The following KIF13A variants were observed in gnomAD, a reference collection of about 807,000 sequenced individuals.
KIF13A encodes kinesin family member 13A.
In KIF13A, 79 loss-of-function variants were observed where a neutral mutation model predicts 212.2. The observed-to-expected ratio is 0.37, with a 90% CI of 0.31 to 0.45. The LOEUF (loss-of-function observed/expected upper bound fraction) is 0.45. Among genes scored for constraint, KIF13A ranks in the 20% least tolerant of loss-of-function variants. KIF13A has a pLI of 1.00. For missense variants in KIF13A, 1,901 were observed against 2,209.0 expected (o/e 0.86, Z 2.79); for synonymous variants, 789 against 808.6 (o/e 0.98, Z 0.41).
intron 3 of KIF13A, among the ~76,000 whole-genome samples, chr6:17,880,650 A>T (rs1034699083): frequency 7.2e-6 from 1 of 138,238 alleles, no homozygotes; most frequent in African/African-American, 2.6e-5. Flanking sequence ...AAAAAAAAAA[A>T]GGTCTTGCTC....
chr6:17,841,736 A>C (rs1766527686), intron 9 of KIF13A, among the ~76,000 whole-genome samples: 1 of 152,206 alleles, frequency 6.6e-6, no homozygotes, highest in African/African-American at 2.4e-5. Flanking sequence ...CCCTTGGAAC[A>C]GAATGAAAAT....
chr6:17,867,259 A>G lies in KIF13A; in HGVS notation c.220+6118T>C, dbSNP rs572257253. 1.6e-4 allele frequency among the ~76,000 whole-genome samples: 25 copies of G among 152,348 alleles called. No homozygotes were observed. In the Middle Eastern group the frequency reaches 0.01, roughly 62 times the overall value. On this transcript the variant is annotated intron_variant, in intron 4 of 38. Transcript: ENST00000259711. ...AACAACTTGATAAAGGTGAGTCACC[A>G]AAAGAAATGACAAATTGAGTATGAG...
At chr6:17,944,831 A>T (rs1305966183) in intron 2 of KIF13A, among the ~76,000 whole-genome samples, 1 of 152,234 alleles carries the variant, frequency 6.6e-6, no homozygotes, top group South Asian at 2.1e-4. Context: ...AACTATCATT[A>T]GCAAACAAAA....
chr6:17,881,025 T>C (rs911869008), intron 3 of KIF13A, among the ~76,000 whole-genome samples: 12 of 152,330 alleles, frequency 7.9e-5, no homozygotes, highest in Non-Finnish European at 7.4e-5. Context: ...AAGGCATTCA[T>C]AGCTTTTCAA....
rs1033105302 is a variant in KIF13A, at chr6:17,829,023, T to C, written c.1402-653A>G. ...AGTGCAGTGGTGCAATCTCAGCTCA[T>C]TGCAACCTCTGCCTCCTGGGTTCAA... On this transcript the variant is annotated intron_variant, in intron 13 of 38. Coordinates refer to ENST00000259711, the MANE Select transcript of KIF13A (RefSeq NM_022113.6). This position sits in a 1 kb window ranked among gnomAD's most constrained non-coding sequence, Gnocchi z 5.4. Among the ~76,000 whole-genome samples, 4 of 151,750 alleles carry C rather than the reference T, an allele frequency of 2.6e-5. No individual in the cohort carries two copies. Among genetic ancestry groups the C allele is most frequent in the Non-Finnish European group, 5.9e-5 (4 of 67,946 alleles).
chr6:17,771,077 C>T lies in KIF13A; in HGVS notation c.4581+37G>A. On this transcript the variant is annotated intron_variant, in intron 38 of 38. Transcript: ENST00000259711. This position sits in a 1 kb window ranked among gnomAD's most constrained non-coding sequence, Gnocchi z 5.4. ...GTCTGTGAAAGGGCCTTAAACCCAC[C>T]ACCAGGCAATATGACAGAAATGGTT... The T allele has an allele frequency of 7.2e-7, 1 of 1,395,318 alleles. No individual in the cohort carries two copies. The allele number at this position is 1,395,318 out of a possible 1,614,324, so 86.4% of individuals were successfully genotyped here. A position where few individuals can be genotyped will look rare whatever the true frequency, so the allele number is the denominator to read the frequency against.
intron 4 of KIF13A, among the ~76,000 whole-genome samples, chr6:17,859,001 C>A (rs904298355): frequency 1.3e-5 from 2 of 151,824 alleles, no homozygotes; most frequent in African/African-American, 4.8e-5. Flanking sequence ...AAAGTTAATA[C>A]CTAGTATATC....
At chr6:17,974,628 A>C (rs1417378160) in intron 2 of KIF13A, among the ~76,000 whole-genome samples, 1 of 150,308 alleles carries the variant, frequency 6.7e-6, no homozygotes, top group Non-Finnish European at 1.5e-5. Context: ...GTAGTTAAGC[A>C]ACAATAGTAA....
rs1161530422 is a variant in KIF13A, at chr6:17,915,389, T to G, written c.147-17209A>C. Among the ~76,000 whole-genome samples, 1 of 152,138 alleles carries G rather than the reference T, an allele frequency of 6.6e-6. No homozygotes were observed. The highest frequency in any genetic ancestry group is 1.5e-5 in the Non-Finnish European group (1 of 68,014). On this transcript the variant is annotated intron_variant, in intron 2 of 38. Transcript: ENST00000259711. The surrounding 1 kb of genome is among the most constrained non-coding windows in gnomAD (Gnocchi z 4.4). ...GTGTGGGGTTAAGTGAATTAACATA[T>G]TATAAAGCTTTTAAAAGCAGCAGAG...
rs1052337695 is a variant in KIF13A at position 17,915,406 on chromosome 6, G to C, written c.147-17226C>G. Among the ~76,000 whole-genome samples, 6 of 152,198 alleles carry C rather than the reference G, an allele frequency of 3.9e-5. No homozygotes were observed. The highest frequency in any genetic ancestry group is 1.4e-4 in the African/African-American group (6 of 41,456). Reference sequence around the variant, plus strand: ...TTAACATATTATAAAGCTTTTAAAAGCAGCAGAGTAACACACGCGATGCAA... The same window carrying C: ...TTAACATATTATAAAGCTTTTAAAACCAGCAGAGTAACACACGCGATGCAA... On this transcript the variant is annotated intron_variant, in intron 2 of 38. Transcript: ENST00000259711. The surrounding 1 kb of genome is among the most constrained non-coding windows in gnomAD (Gnocchi z 4.4).
intron 9 of KIF13A, among the ~76,000 whole-genome samples, chr6:17,847,471 C>T (rs1196566937): frequency 6.6e-6 from 1 of 152,106 alleles, no homozygotes; most frequent in African/African-American, 2.4e-5. Flanking sequence ...ATAGAGGGGC[C>T]ACTATTTTAC....
chr6:17,930,340 A>T (rs1775883891), intron 2 of KIF13A, among the ~76,000 whole-genome samples: 1 of 152,248 alleles, frequency 6.6e-6, no homozygotes, highest in African/African-American at 2.4e-5. Context: ...ACAAATGCCT[A>T]ATTCCTTAGC....
intron 3 of KIF13A, among the ~76,000 whole-genome samples, chr6:17,881,284 G>A (rs1011473155): frequency 6.6e-6 from 1 of 152,074 alleles, no homozygotes; most frequent in Non-Finnish European, 1.5e-5. Flanking sequence ...ATCTAATAAA[G>A]TTACTAAAGC....
At chr6:17,946,039 A>T (rs999297527) in intron 2 of KIF13A, among the ~76,000 whole-genome samples, 4 of 152,218 alleles carry the variant, frequency 2.6e-5, no homozygotes, top group Admixed American at 6.5e-5. Flanking sequence ...GTGAATTGTA[A>T]AGCTTAAGAC....
At chr6:17,910,130 C>CA (rs1412259852) in intron 2 of KIF13A, among the ~76,000 whole-genome samples, 1 of 152,148 alleles carries the variant, frequency 6.6e-6, no homozygotes, top group Non-Finnish European at 1.5e-5. Flanking sequence ...AGGTAACTGA[C>CA]AAAATGGACA....
chr6:17,764,169 A>C lies in KIF13A; in HGVS notation c.5359T>G (p.Leu1787Val), dbSNP rs746679833. The C allele has an allele frequency of 9.3e-6, 15 of 1,613,874 alleles. No individual in the cohort carries two copies. In the African/African-American group the frequency reaches 1.7e-4, roughly 19 times the overall value. The change falls in exon 39 of 39, where the codon TTA (leucine) becomes GTA (valine). Residue 1787 changes from leucine to valine, a missense_variant. Physicochemically the swap from Leu to Val is conservative, Grantham distance 32. This residue lies in a region of KIF13A where 687 missense variants were observed against 759.1 expected (regional missense o/e 0.90). Transcript: ENST00000259711. This position sits in a 1 kb window ranked among gnomAD's most constrained non-coding sequence, Gnocchi z 5.1. Reference protein sequence around the residue: ...LHHPSQLHSKLENDQVIIPEA... With the variant: ...LHHPSQLHSKVENDQVIIPEA... ...GGAATTATTACCTGGTCATTCTCTA[A>C]CTTGGAATGCAGCTGGCTGGGGTGG...
chr6:17,978,023 T>C (rs1217909877), intron 2 of KIF13A, among the ~76,000 whole-genome samples: 2 of 152,224 alleles, frequency 1.3e-5, no homozygotes, highest in African/African-American at 2.4e-5. Flanking sequence ...TTTGATAAAA[T>C]AGTCCTACTT....
intron 2 of KIF13A, among the ~76,000 whole-genome samples, chr6:17,902,822 G>C (rs1773164426): frequency 6.6e-6 from 1 of 152,146 alleles, no homozygotes; most frequent in Non-Finnish European, 1.5e-5. Context: ...TAAACCCCTT[G>C]AAAACAGAGG....
At chr6:17,793,914 TA>T (rs548506216) in intron 25 of KIF13A, among the ~76,000 whole-genome samples, 18 of 147,766 alleles carry the variant, frequency 1.2e-4, no homozygotes, top group Non-Finnish European at 1.9e-4. Context: ...CCCTATCTTT[TA>T]AAAAAAAAAC....
Sources: gnomAD v4.1 joint callset for allele counts (sites outside exome capture counted in the v4.1 genomes callset) on GRCh38, gnomAD v4.1.1 for gene constraint, gnomAD v4.1.1 regional missense constraint, Gnocchi (gnomAD v3.1) non-coding constraint, MANE v1.5 for transcripts, NCBI Gene and HGNC (gene_info 2026-07-23, HGNC 2026-07-21) for gene names.